Variants in PDE11A observed in about 807,000 individuals in gnomAD.
PDE11A encodes dual 3',5'-cyclic-AMP and -GMP phosphodiesterase 11A.
In PDE11A, 100 loss-of-function variants were observed where a neutral mutation model predicts 100.5. The observed-to-expected ratio is 1.00, with a 90% CI of 0.85 to 1.18. PDE11A has a LOEUF of 1.18. Among genes scored for constraint, PDE11A ranks in the 50% most tolerant of loss-of-function variants. PDE11A has a pLI of 0.00. For missense variants in PDE11A, 1,141 were observed against 1,152.6 expected, an observed-to-expected ratio of 0.99 and a Z score of 0.15; for synonymous variants, 381 against 420.8, an observed-to-expected ratio of 0.91 and a Z score of 1.16.
intron 9 of PDE11A, among the ~76,000 whole-genome samples, chr2:177,775,064 C>T (rs1234693840): frequency 3.3e-5 from 5 of 152,064 alleles, no homozygotes; most frequent in Admixed American, 6.5e-5. Context: ...GAAGGGGCCA[C>T]GAGCACAGAA....
chr2:177,761,635 C>T (rs1221451264), intron 10 of PDE11A, among the ~76,000 whole-genome samples: 3 of 152,124 alleles, frequency 2.0e-5, no homozygotes, highest in Non-Finnish European at 2.9e-5. Flanking sequence ...TCACTTTTGA[C>T]TGAAGGACAG....
chr2:177,987,518 G>T (rs1343836662), intron 2 of PDE11A, among the ~76,000 whole-genome samples: 1 of 152,178 alleles, frequency 6.6e-6, no homozygotes, highest in Non-Finnish European at 1.5e-5. Flanking sequence ...TAAAGAAGAT[G>T]ATGTAAATGA....
rs570784469 is a variant in PDE11A at position 177,886,601 on chromosome 2, A to G, written c.1303-10678T>C. On this transcript the variant is annotated intron_variant, in intron 4 of 19. Coordinates refer to ENST00000286063, the MANE Select transcript of PDE11A (RefSeq NM_016953.4). Reference sequence around the variant, plus strand: ...TTTTTTTAAGTATTAGAATCACAAAATACAAATAGAACTTTTGTTTTCAGG... The same window carrying G: ...TTTTTTTAAGTATTAGAATCACAAAGTACAAATAGAACTTTTGTTTTCAGG... Among the ~76,000 whole-genome samples the G allele has an allele frequency of 2.9e-3, 446 of 152,350 alleles. 3 individuals are homozygous for G. The highest frequency in any genetic ancestry group is 5.0e-3 in the Non-Finnish European group (338 of 68,024).
chr2:177,661,963 T>A (rs1281761294), intron 19 of PDE11A, among the ~76,000 whole-genome samples: 1 of 152,224 alleles, frequency 6.6e-6, no homozygotes, highest in African/African-American at 2.4e-5. Flanking sequence ...AATCTTTCTA[T>A]ATGTTAATTT....
At chr2:177,800,423 G>T (rs780551329) in intron 9 of PDE11A, among the ~76,000 whole-genome samples, 2 of 151,834 alleles carry the variant, frequency 1.3e-5, no homozygotes, top group Non-Finnish European at 2.9e-5. Flanking sequence ...CTCCCACCTT[G>T]ACCTCCCAAA....
chr2:177,801,087 C>T (rs911872218), intron 9 of PDE11A, among the ~76,000 whole-genome samples: 1 of 152,138 alleles, frequency 6.6e-6, no homozygotes, highest in Non-Finnish European at 1.5e-5. Context: ...GAAAGTGGAT[C>T]AGAAAACCAT....
chr2:177,660,031 TTTTCTTTCTTTCTTTCTTTC>T (rs1173068300), intron 19 of PDE11A, among the ~76,000 whole-genome samples: 6 of 125,644 alleles, frequency 4.8e-5, no homozygotes, highest in African/African-American at 1.8e-4. Flanking sequence ...GTTACAATCA[TTTTCTTTCTTTCTTTCTTTC>T]TTTCTTTCTT....
chr2:177,841,106 A>T (rs562423098), intron 5 of PDE11A, among the ~76,000 whole-genome samples: 3 of 152,306 alleles, frequency 2.0e-5, no homozygotes, highest in African/African-American at 7.2e-5. Context: ...ATGCCAAATG[A>T]TTTTTTGAAC....
chr2:177,987,866 C>G (rs1009746703), intron 2 of PDE11A, among the ~76,000 whole-genome samples: 1 of 152,166 alleles, frequency 6.6e-6, no homozygotes, highest in Non-Finnish European at 1.5e-5. Flanking sequence ...GGCTCCAGAA[C>G]ATTCCTTCAA....
At chr2:178,074,723 G>C (rs191321842), upstream of PDE11A, among the ~76,000 whole-genome samples, 12 of 152,304 alleles carry the variant, frequency 7.9e-5, no homozygotes, top group African/African-American at 2.9e-4. Context: ...AGAAGTGAGA[G>C]TGGAGAAGAA....
rs1466726225 is a variant in PDE11A at position 177,731,364 on chromosome 2, G to A, written c.1789-3192C>T. On this transcript the variant is annotated intron_variant, in intron 10 of 19. Transcript: ENST00000286063. ...GGGGGCTTCTCTGTAGGGGGAATGT[G>A]TCTGACCTGTTTCCTTGGGGAAGCC... Among the ~76,000 whole-genome samples the A allele has an allele frequency of 3.9e-5, 6 of 152,320 alleles. 1 individual carries two copies. The highest frequency in any genetic ancestry group is 1.9e-4 in the East Asian group (1 of 5,176).
rs2082478649 is a variant in PDE11A, at chr2:177,783,221, GT to G, written c.1738-13849del. On this transcript the variant is annotated intron_variant, in intron 9 of 19. Transcript: ENST00000286063. ...GTCAATATTCATTCCCTCATAATCT[GT>G]ACAATATCAAGAGGGCTTGTCAAGG... Among the ~76,000 whole-genome samples the G allele has an allele frequency of 2.6e-5, 4 of 152,032 alleles. No individual in the cohort carries two copies. The South Asian group carries it at 8.3e-4, about 31-fold the overall frequency.
intron 9 of PDE11A, among the ~76,000 whole-genome samples, chr2:177,772,224 G>A (rs1288677599): frequency 6.6e-6 from 1 of 151,972 alleles, no homozygotes; most frequent in Non-Finnish European, 1.5e-5. Context: ...TATGTTCTAT[G>A]AGGTTTGGTT....
At chr2:177,890,372 G>A (rs2084510599) in intron 4 of PDE11A, among the ~76,000 whole-genome samples, 1 of 152,122 alleles carries the variant, frequency 6.6e-6, no homozygotes. Context: ...CCCCGAGCCT[G>A]CCCAGGCACC....
chr2:177,663,634 A>G (rs2080519960), intron 19 of PDE11A, among the ~76,000 whole-genome samples: 1 of 152,088 alleles, frequency 6.6e-6, no homozygotes, highest in Non-Finnish European at 1.5e-5. Context: ...GAGGGAGTAG[A>G]GGCCCATGGA....
intron 9 of PDE11A, among the ~76,000 whole-genome samples, chr2:177,811,597 T>G (rs2082949990): frequency 6.6e-6 from 1 of 151,682 alleles, no homozygotes; most frequent in Non-Finnish European, 1.5e-5. Flanking sequence ...ATGTGTGGAT[T>G]ATGGCTGAAA....
At chr2:177,800,177 A>T (rs11903134) in intron 9 of PDE11A, among the ~76,000 whole-genome samples, 3,863 of 84,962 alleles carry the variant, frequency 0.045, 156 homozygotes, top group African/African-American at 0.13. Flanking sequence ...AATTAAAAAA[A>T]TTTTTCTTTT....
chr2:177,848,277 A>G (rs2083637216), intron 5 of PDE11A, among the ~76,000 whole-genome samples: 1 of 152,234 alleles, frequency 6.6e-6, no homozygotes, highest in South Asian at 2.1e-4. Flanking sequence ...AAAACAGCAG[A>G]CAGTAAAAAT....
chr2:177,716,097 G>A (rs1352359208), intron 12 of PDE11A, among the ~76,000 whole-genome samples: 1 of 152,226 alleles, frequency 6.6e-6, no homozygotes, highest in Non-Finnish European at 1.5e-5. Flanking sequence ...CCACCTGTGA[G>A]GATGTAGGCT....
Sources: allele counts gnomAD v4.1 joint callset (sites outside exome capture counted in the v4.1 genomes callset), GRCh38; gene constraint gnomAD v4.1.1; transcripts MANE v1.5; gene names NCBI Gene and HGNC (gene_info 2026-07-23, HGNC 2026-07-21).